Variants in CYRIB observed in about 807,000 individuals in gnomAD.
CYRIB encodes CYFIP related Rac1 interactor B, also known as CYFIP-related Rac1 interactor B.
Under a neutral mutation model 44.2 loss-of-function variants are expected in CYRIB, and 8 were observed. The ratio of observed to expected loss-of-function variants is 0.18; its 90% confidence interval spans 0.11 to 0.33. The LOEUF is 0.33. CYRIB is among the 10% of genes least tolerant of loss of function. The pLI is 1.00. For missense variants in CYRIB, 185 were observed against 382.8 expected, an observed-to-expected ratio of 0.48 and a Z score of 4.31; for synonymous variants, 131 against 127.2, an observed-to-expected ratio of 1.03 and a Z score of -0.20.
chr8:129,965,713 A>G (rs901846533), intron 2 of CYRIB, among the ~76,000 whole-genome samples: 9 of 151,630 alleles, frequency 5.9e-5, no homozygotes, highest in East Asian at 3.9e-4. Context: ...GGAGAATGGC[A>G]TGAACCCAGG....
chr8:129,989,722 G>A (rs576581338), intron 1 of CYRIB, among the ~76,000 whole-genome samples: 66 of 150,268 alleles, frequency 4.4e-4, no homozygotes, highest in Non-Finnish European at 8.9e-4. Context: ...GTATACATGT[G>A]CCATGTTGGT....
intron 1 of CYRIB, among the ~76,000 whole-genome samples, chr8:130,008,744 C>G (rs1000727403): frequency 5.9e-5 from 9 of 152,234 alleles, no homozygotes; most frequent in African/African-American, 1.9e-4. Context: ...CCTGTTTGAT[C>G]TGTCTACACA....
chr8:129,963,731 T>A (rs2131846740), intron 2 of CYRIB, among the ~76,000 whole-genome samples: 1 of 152,304 alleles, frequency 6.6e-6, no homozygotes, highest in Non-Finnish European at 1.5e-5. Context: ...TTAACAGCTC[T>A]CTCTGAGCCT....
intron 2 of CYRIB, among the ~76,000 whole-genome samples, chr8:129,946,360 T>C (rs186434937): frequency 2.4e-4 from 36 of 152,362 alleles, no homozygotes; most frequent in Non-Finnish European, 4.4e-4. Context: ...GGGAGTTCTA[T>C]CAACTGTTTC....
intron 2 of CYRIB, among the ~76,000 whole-genome samples, chr8:129,954,638 A>G (rs2094691766): frequency 6.6e-6 from 1 of 152,088 alleles, no homozygotes; most frequent in South Asian, 2.1e-4. Flanking sequence ...TCAATCTAAT[A>G]TTTTTGCTTA....
chr8:129,992,820 G>A (rs575107290), intron 1 of CYRIB, among the ~76,000 whole-genome samples: 2 of 152,260 alleles, frequency 1.3e-5, no homozygotes, highest in Non-Finnish European at 1.5e-5. Context: ...ATATGATAGT[G>A]GGAACCATGA....
intron 1 of CYRIB, among the ~76,000 whole-genome samples, chr8:129,919,278 G>GC (rs1361729966): frequency 6.6e-6 from 1 of 152,108 alleles, no homozygotes; most frequent in African/African-American, 2.4e-5. Flanking sequence ...ATATATTACC[G>GC]CATGTCTTGG....
chr8:129,847,002 T>C, intron 10 of CYRIB, 128 bp from the exon 13 acceptor site: 1 of 568,070 alleles, frequency 1.8e-6, no homozygotes, highest in Non-Finnish European at 3.0e-6. Context: ...GTCAAATTAA[T>C]TATTCTTAGA....
chr8:129,930,056 C>T lies in CYRIB; in HGVS notation c.-50+9552G>A, dbSNP rs569285233. On this transcript the variant is annotated intron_variant, in intron 1 of 11. Coordinates refer to ENST00000519824, the Ensembl canonical transcript of CYRIB. ...TGAAACCCCATCTCTACTAAAAATA[C>T]AAAAATTCGCCGGGCGTGGTGGCGC... Among the ~76,000 whole-genome samples, 25 of 151,818 alleles carry T rather than the reference C, an allele frequency of 1.6e-4. No individual in the cohort carries two copies. In the East Asian group the frequency reaches 4.7e-3, roughly 28 times the overall value.
chr8:129,878,356 T>C (rs1170974978), intron 3 of CYRIB, among the ~76,000 whole-genome samples: 1 of 152,188 alleles, frequency 6.6e-6, no homozygotes, highest in Non-Finnish European at 1.5e-5. Flanking sequence ...ATTCATAAAA[T>C]AGAATGAATT....
At chr8:129,881,290 C>A (rs2060717293) in intron 2 of CYRIB, among the ~76,000 whole-genome samples, 1 of 152,178 alleles carries the variant, frequency 6.6e-6, no homozygotes, top group African/African-American at 2.4e-5. Flanking sequence ...TATGGTATCA[C>A]GGCTACCCAC....
intron 1 of CYRIB, among the ~76,000 whole-genome samples, chr8:129,920,165 CT>C (rs1209640784): frequency 6.6e-6 from 1 of 151,158 alleles, no homozygotes; most frequent in African/African-American, 2.4e-5. Context: ...TGTAGTAAAC[CT>C]TTATCTTTAA....
intron 2 of CYRIB, among the ~76,000 whole-genome samples, chr8:129,970,261 G>A (rs1168098604): frequency 2.0e-5 from 3 of 152,150 alleles, no homozygotes; most frequent in East Asian, 1.9e-4. Context: ...CCTCACCAGT[G>A]AGGATAGTTG....
At chr8:129,905,611 A>G (rs976515753) in intron 1 of CYRIB, among the ~76,000 whole-genome samples, 4 of 152,050 alleles carry the variant, frequency 2.6e-5, no homozygotes, top group African/African-American at 9.7e-5. Context: ...GAAATGAATA[A>G]ACACTTTTTT....
At chr8:129,949,165 C>G (rs1448935982) in intron 2 of CYRIB, 1 of 152,008 alleles carries the variant, frequency 6.6e-6, no homozygotes, top group African/African-American at 2.4e-5. Context: ...ATTAATTTAT[C>G]AATGCCATTA....
chr8:129,971,262 T>G (rs1352090400), intron 1 of CYRIB, among the ~76,000 whole-genome samples: 2 of 152,088 alleles, frequency 1.3e-5, no homozygotes, highest in African/African-American at 4.8e-5. Flanking sequence ...TGGCTAATAT[T>G]TTTTATTTTT....
chr8:129,940,142 A>G (rs2093567321), upstream of CYRIB, among the ~76,000 whole-genome samples: 1 of 152,120 alleles, frequency 6.6e-6, no homozygotes, highest in Non-Finnish European at 1.5e-5. Context: ...TACAGATGGG[A>G]AACGGAGGTT....
intron 1 of CYRIB, among the ~76,000 whole-genome samples, chr8:129,998,942 G>A (rs763938622): frequency 4.6e-5 from 7 of 152,054 alleles, no homozygotes; most frequent in East Asian, 1.9e-4. Flanking sequence ...CATGGTGCTC[G>A]ATCAATGCTA....
At chr8:130,014,407 A>G (rs1158390790) in intron 1 of CYRIB, among the ~76,000 whole-genome samples, 2 of 152,118 alleles carry the variant, frequency 1.3e-5, no homozygotes, top group South Asian at 2.1e-4. Flanking sequence ...CACTACTTCA[A>G]CCTCAGCAAT....
Sources: gnomAD v4.1 joint callset for allele counts (sites outside exome capture counted in the v4.1 genomes callset) on GRCh38, gnomAD v4.1.1 for gene constraint, MANE v1.5 for transcripts, NCBI Gene and HGNC (gene_info 2026-07-23, HGNC 2026-07-21) for gene names.